FRMPD4: variants seen among roughly 807,000 people sequenced by gnomAD.
FRMPD4 encodes FERM and PDZ domain containing 4, also known as FERM and PDZ domain-containing protein 4.
Under a neutral mutation model 94.1 loss-of-function variants are expected in FRMPD4, and 22 were observed. The ratio of observed to expected loss-of-function variants is 0.23; its 90% CI spans 0.17 to 0.33. FRMPD4 has a LOEUF of 0.33. FRMPD4 is among the 10% of genes least tolerant of loss of function. FRMPD4 has a pLI of 1.00. For synonymous variants in FRMPD4, 631 were observed against 548.6 expected (o/e 1.15, Z -2.10); for missense variants, 1,111 against 1,339.9 (o/e 0.83, Z 2.67).
chrX:12,689,729 C>T (rs1377119031), intron 7 of FRMPD4, among the ~76,000 whole-genome samples: 3 of 112,787 alleles, frequency 2.7e-5, no homozygotes, highest in Admixed American at 9.4e-5. Context: ...GGTATGACCA[C>T]GTCCCATTAA....
At chrX:12,442,564 A>AAGTC (rs1408558951) in intron 1 of FRMPD4, among the ~76,000 whole-genome samples, 1 of 112,156 alleles carries the variant, frequency 8.9e-6, no homozygotes, top group Non-Finnish European at 1.9e-5. Flanking sequence ...TAACACTAAA[A>AAGTC]AGTCAGAAAA....
chrX:12,135,906 G>T (rs748228507), upstream of FRMPD4, among the ~76,000 whole-genome samples: 9 of 111,852 alleles, frequency 8.0e-5, no homozygotes, highest in Non-Finnish European at 1.1e-4. Flanking sequence ...TCACGAGCTG[G>T]TCTTGTGCTG....
At chrX:12,518,825 G>A (rs201639134) in intron 2 of FRMPD4, among the ~76,000 whole-genome samples, 1 of 107,751 alleles carries the variant, frequency 9.3e-6, no homozygotes, top group Admixed American at 9.9e-5. Context: ...GTGCGCGCGT[G>A]CACACACACA....
At chrX:11,834,643 A>G (rs746537195) in intron 1 of FRMPD4, among the ~76,000 whole-genome samples, 4 of 111,846 alleles carry the variant, frequency 3.6e-5, no homozygotes, top group African/African-American at 1.3e-4. Context: ...CAAATTTATT[A>G]TCTAGGGTGT....
chrX:12,664,935 G>A (rs2059759847), intron 4 of FRMPD4, among the ~76,000 whole-genome samples: 1 of 111,010 alleles, frequency 9.0e-6, no homozygotes, highest in South Asian at 3.8e-4. Flanking sequence ...GTCTTGGGAG[G>A]GTGTATGTGT....
At chrX:12,400,570 T>C (rs768622455) in intron 1 of FRMPD4, among the ~76,000 whole-genome samples, 2 of 112,189 alleles carry the variant, frequency 1.8e-5, no homozygotes, top group Non-Finnish European at 3.8e-5. Flanking sequence ...TTTCTTGTAC[T>C]TTTTACCCCT....
At chrX:12,221,091 T>C (rs971536410) in intron 1 of FRMPD4, among the ~76,000 whole-genome samples, 1 of 112,669 alleles carries the variant, frequency 8.9e-6, no homozygotes, top group Non-Finnish European at 1.9e-5. Flanking sequence ...CCAGTTTACT[T>C]TCTTTCTTCA....
At chrX:11,871,379 C>A (rs2053755757) in intron 2 of FRMPD4, among the ~76,000 whole-genome samples, 1 of 112,253 alleles carries the variant, frequency 8.9e-6, no homozygotes, top group African/African-American at 3.2e-5. Flanking sequence ...CGTCTAGTAG[C>A]ATGCACATTA....
At chrX:12,469,311 G>A (rs535693876) in intron 1 of FRMPD4, among the ~76,000 whole-genome samples, 12 of 110,894 alleles carry the variant, frequency 1.1e-4, no homozygotes, top group South Asian at 7.7e-4. Context: ...GTGCAATGGC[G>A]CGATCTCAGC....
At chrX:11,914,403 A>G (rs892730405) in intron 3 of FRMPD4, among the ~76,000 whole-genome samples, 7 of 109,549 alleles carry the variant, frequency 6.4e-5, no homozygotes, top group Non-Finnish European at 1.3e-4. Context: ...AAGTAAACTA[A>G]AAAGGAGTAC....
intron 1 of FRMPD4, among the ~76,000 whole-genome samples, chrX:12,298,080 G>C (rs1290339782): frequency 2.7e-5 from 3 of 112,009 alleles, no homozygotes; most frequent in African/African-American, 9.7e-5. Context: ...TTAAAGGTAG[G>C]CCAGAGATTT....
chrX:12,429,426 T>C (rs2056987743), intron 1 of FRMPD4, among the ~76,000 whole-genome samples: 1 of 111,623 alleles, frequency 9.0e-6, no homozygotes, highest in Non-Finnish European at 1.9e-5. Flanking sequence ...ACTGTGCCTC[T>C]GACTGCTAAA....
chrX:12,498,229 C>G (rs1033369118), intron 1 of FRMPD4, among the ~76,000 whole-genome samples: 1 of 111,708 alleles, frequency 9.0e-6, no homozygotes, highest in Non-Finnish European at 1.9e-5. Flanking sequence ...CCTAAAATAG[C>G]ATCATTTACT....
intron 3 of FRMPD4, among the ~76,000 whole-genome samples, chrX:12,067,630 T>C (rs1327042284): frequency 2.8e-4 from 30 of 108,857 alleles, no homozygotes; most frequent in Non-Finnish European, 5.8e-5. Context: ...GTTGGCCAGG[T>C]TGGTCTCAAA....
intron 1 of FRMPD4, among the ~76,000 whole-genome samples, chrX:11,853,550 C>T (rs916849905): frequency 4.5e-5 from 5 of 111,042 alleles, no homozygotes; most frequent in African/African-American, 1.6e-4. Context: ...GGGGATATTA[C>T]CACTTACCCA....
At chrX:11,854,364 T>A in intron 1 of FRMPD4, among the ~76,000 whole-genome samples, 1 of 111,614 alleles carries the variant, frequency 9.0e-6, no homozygotes, top group Non-Finnish European at 1.9e-5. Context: ...GTCCTCGCAA[T>A]TCAAAACACA....
At chrX:12,568,336 T>G (rs1008639806) in intron 2 of FRMPD4, among the ~76,000 whole-genome samples, 1 of 112,378 alleles carries the variant, frequency 8.9e-6, no homozygotes, top group African/African-American at 3.2e-5. Context: ...TTATTGTGAT[T>G]AATAATTGTT....
intron 2 of FRMPD4, among the ~76,000 whole-genome samples, chrX:12,582,414 T>C (rs2058876292): frequency 8.9e-6 from 1 of 112,162 alleles, no homozygotes; most frequent in African/African-American, 3.2e-5. Flanking sequence ...TCACATCCTA[T>C]CTTCCAAAGC....
chrX:12,086,903 C>T (rs773250662), intron 3 of FRMPD4, among the ~76,000 whole-genome samples: 2 of 110,939 alleles, frequency 1.8e-5, no homozygotes, highest in Non-Finnish European at 3.8e-5. Context: ...AGAACTGTTT[C>T]TTGGTACTAT....
Sources: gnomAD v4.1 joint callset for allele counts (sites outside exome capture counted in the v4.1 genomes callset) on GRCh38, gnomAD v4.1.1 for gene constraint, MANE v1.5 for transcripts, NCBI Gene and HGNC (gene_info 2026-07-23, HGNC 2026-07-21) for gene names.